TBC1D8: variants seen among roughly 807,000 people sequenced by gnomAD.
TBC1D8 encodes BUB2-like protein 1.
In TBC1D8, 65 loss-of-function variants were observed where a neutral mutation model predicts 118.8. The observed-to-expected ratio is 0.55, with a 90% CI of 0.45 to 0.67. The LOEUF (loss-of-function observed/expected upper bound fraction) is 0.67, where lower values mean the gene tolerates loss of function less well. TBC1D8 is among the 30% of genes least tolerant of loss of function. The probability of loss-of-function intolerance (pLI) is 0.00; values close to 1 mark genes in which losing one functional copy is unlikely to be tolerated. For missense variants in TBC1D8, 1,376 were observed against 1,471.2 expected (o/e 0.94, Z 1.06); for synonymous variants, 566 against 595.8 (o/e 0.95, Z 0.73).
rs183057236 is a variant in TBC1D8 at position 101,068,435 on chromosome 2, A to C, written c.284-8896T>G. 1.5e-4 allele frequency: 50 copies of C among 329,466 alleles called. No individual in the cohort carries two copies. The East Asian group carries it at 3.7e-3, about 24-fold the overall frequency. The allele number at this position is 329,466 out of a possible 1,614,324, so 20.4% of individuals were successfully genotyped here. A position where few individuals can be genotyped will look rare whatever the true frequency, so the allele number is the denominator to read the frequency against. Reference sequence around the variant, plus strand: ...TTCAGGAAAAAACTTAACTGTATCCAGCAATTCAGATATAGCGAAAGTGAA... The same window carrying C: ...TTCAGGAAAAAACTTAACTGTATCCCGCAATTCAGATATAGCGAAAGTGAA... On this transcript the variant is annotated intron_variant, in intron 2 of 19. Coordinates refer to ENST00000409318, the MANE Select transcript of TBC1D8 (RefSeq NM_001330348.2).
chr2:101,061,708 T>C (rs7585873), intron 2 of TBC1D8, among the ~76,000 whole-genome samples: 131,244 of 151,964 alleles, frequency 0.86, 57,029 homozygotes, highest in African/African-American at 0.95. Context: ...ATCACAGAAG[T>C]CCAAGCAGCA....
intron 11 of TBC1D8, among the ~76,000 whole-genome samples, chr2:101,031,786 G>C (rs1680684559): frequency 6.6e-6 from 1 of 152,106 alleles, no homozygotes; most frequent in Non-Finnish European, 1.5e-5. Context: ...CATGGGCCTT[G>C]AGGGTCTCTA....
intron 2 of TBC1D8, among the ~76,000 whole-genome samples, chr2:101,074,108 T>C (rs531955529): frequency 1.3e-5 from 2 of 152,246 alleles, no homozygotes; most frequent in African/African-American, 4.8e-5. Flanking sequence ...TAGCTTTTGA[T>C]ATAAAGTGAA....
At chr2:101,074,458 T>C (rs763318193) in intron 2 of TBC1D8, among the ~76,000 whole-genome samples, 64 of 152,058 alleles carry the variant, frequency 4.2e-4, no homozygotes, top group Non-Finnish European at 2.9e-5. Context: ...GTTGGAAAAA[T>C]AGTGCTAACA....
Position 101,007,670 on chromosome 2 carries a change from C to T in TBC1D8, c.*151G>A, listed in dbSNP as rs140971569. 2,274 of 754,722 alleles carry T rather than the reference C, an allele frequency of 3.0e-3. 34 individuals carry two copies. The African/African-American group carries it at 0.033, about 11-fold the overall frequency. The allele number at this position is 754,722 out of a possible 1,614,324, so 46.8% of individuals were successfully genotyped here. A position where few individuals can be genotyped will look rare whatever the true frequency, so the allele number is the denominator to read the frequency against. On this transcript the variant is annotated 3_prime_UTR_variant, in exon 20 of 20. Transcript: ENST00000409318. ...ACATAGAAATGCTTGAGGGTTGTGTCGGTTCCCCTGGCCACAGTTTGTCAG... is the reference window on the plus strand; with the variant it reads ...ACATAGAAATGCTTGAGGGTTGTGTTGGTTCCCCTGGCCACAGTTTGTCAG...
intron 2 of TBC1D8, among the ~76,000 whole-genome samples, chr2:101,065,977 A>G (rs1008932027): frequency 2.0e-5 from 3 of 152,122 alleles, no homozygotes; most frequent in African/African-American, 7.2e-5. Flanking sequence ...AAGACATAAA[A>G]CAGCTATTAT....
chr2:101,020,058 G>T (rs1288936090), intron 17 of TBC1D8, among the ~76,000 whole-genome samples: 2 of 144,098 alleles, frequency 1.4e-5, no homozygotes, highest in African/African-American at 5.1e-5. Context: ...GGGCCACAGA[G>T]CGAAACTCCG....
intron 1 of TBC1D8, among the ~76,000 whole-genome samples, chr2:101,105,025 C>CAAA (rs4069926): frequency 7.8e-5 from 9 of 115,670 alleles, no homozygotes; most frequent in South Asian, 2.9e-4. Flanking sequence ...AACTCTATCT[C>CAAA]AAAAAAAAAA....
chr2:101,055,575 A>C (rs964524965), intron 3 of TBC1D8, among the ~76,000 whole-genome samples: 2 of 152,172 alleles, frequency 1.3e-5, no homozygotes, highest in African/African-American at 4.8e-5. Flanking sequence ...CAAAACATCT[A>C]AATCTATAAT....
At chr2:101,088,266 A>G (rs1675768565) in intron 2 of TBC1D8, among the ~76,000 whole-genome samples, 1 of 151,636 alleles carries the variant, frequency 6.6e-6, no homozygotes, top group Non-Finnish European at 1.5e-5. Flanking sequence ...CAGTTAGCTG[A>G]TTCATTTGAC....
chr2:101,045,430 G>A (rs549746544), intron 5 of TBC1D8, among the ~76,000 whole-genome samples: 11 of 152,204 alleles, frequency 7.2e-5, no homozygotes, highest in African/African-American at 1.4e-4. Context: ...CTGGTCATTC[G>A]GCCCGCATCC....
rs1264966898 is a variant in TBC1D8 at position 101,022,247 on chromosome 2, A to G, written c.2761+34T>C. 11 of 1,612,862 alleles carry G rather than the reference A, an allele frequency of 6.8e-6. No homozygotes were observed. The Admixed American group carries it at 1.2e-4, about 17-fold the overall frequency. ...GTTCTGCTCACAGACCCACACCCCA[A>G]AGCACATCACTGCGAAATCCCACAG... On this transcript the variant is annotated intron_variant, in intron 16 of 19. Coordinates refer to ENST00000409318, the MANE Select transcript of TBC1D8 (RefSeq NM_001330348.2).
intron 1 of TBC1D8, among the ~76,000 whole-genome samples, chr2:101,107,418 T>C (rs1461757574): frequency 6.6e-6 from 1 of 151,910 alleles, no homozygotes; most frequent in Non-Finnish European, 1.5e-5. Flanking sequence ...GGGCAGGCAC[T>C]ATCCAATTGG....
At chr2:101,143,319 C>T (rs1030852828) in intron 1 of TBC1D8, among the ~76,000 whole-genome samples, 1 of 151,972 alleles carries the variant, frequency 6.6e-6, no homozygotes, top group African/African-American at 2.4e-5. Flanking sequence ...CCTCGGCCTC[C>T]GAAAGTGCTG....
chr2:101,050,508 C>T lies in TBC1D8; in HGVS notation c.765G>A (p.Val255=), dbSNP rs1174265525. The T allele has an allele frequency of 1.9e-6, 3 of 1,613,844 alleles. No individual in the cohort carries two copies. Among genetic ancestry groups the T allele is most frequent in the East Asian group, 2.2e-5 (1 of 44,882 alleles). ...DFSMFLNLDE[V]FKVMEQLADV... ...CGGCCAGCTGCTCCATGACCTTAAA[C>T]ACCTCATCCAGGTTCAGGAACATGG... The change falls in exon 5 of 20, where the codon GTG becomes GTA. Residue 255 remains valine, a synonymous_variant. Transcript: ENST00000409318.
chr2:101,027,330 C>T lies in TBC1D8; in HGVS notation c.2520+53G>A, dbSNP rs941568638. ...TGTCCCCTGGGCAGGCTGGGCACCG[C>T]GGCTCAGGCCAGCTCAGGGCCTGGA... On this transcript the variant is annotated intron_variant, in intron 15 of 19. Coordinates refer to ENST00000409318, the MANE Select transcript of TBC1D8 (RefSeq NM_001330348.2). 1.3e-5 allele frequency: 21 copies of T among 1,558,150 alleles called. 1 individual carries two copies. In the Middle Eastern group the frequency reaches 7.2e-4, roughly 54 times the overall value.
chr2:101,035,043 G>A (rs34512295), intron 9 of TBC1D8, among the ~76,000 whole-genome samples: 29,466 of 151,940 alleles, frequency 0.19, 2,960 homozygotes, highest in Middle Eastern at 0.29. Flanking sequence ...GAAGAGGAAA[G>A]TGAGGGACAA....
At chr2:101,116,368 C>G (rs796110586) in intron 1 of TBC1D8, among the ~76,000 whole-genome samples, 1 of 152,284 alleles carries the variant, frequency 6.6e-6, no homozygotes, top group African/African-American at 2.4e-5. Context: ...AGCTGTGTGG[C>G]TTGGGTAAGT....
At chr2:101,118,499 A>T (rs367576215) in intron 1 of TBC1D8, among the ~76,000 whole-genome samples, 3 of 151,696 alleles carry the variant, frequency 2.0e-5, no homozygotes, top group African/African-American at 4.8e-5. Context: ...GATCGAGACC[A>T]TCCTGGCTAA....
Sources: gnomAD v4.1 joint callset for allele counts (sites outside exome capture counted in the v4.1 genomes callset) on GRCh38, gnomAD v4.1.1 for gene constraint, MANE v1.5 for transcripts, NCBI Gene and HGNC (gene_info 2026-07-23, HGNC 2026-07-21) for gene names.